The following DPY19L2 variants were observed in gnomAD, a reference collection of about 807,000 sequenced individuals.
DPY19L2 encodes dpy-19 like 2, also known as probable C-mannosyltransferase DPY19L2.
DPY19L2 carries 34 observed loss-of-function variants against 97.9 expected under a neutral mutation model. The observed-to-expected ratio is 0.35, with a 90% CI of 0.26 to 0.46. DPY19L2 has a LOEUF of 0.46. Among genes scored for constraint, DPY19L2 ranks in the 20% least tolerant of loss-of-function variants. The pLI, the probability that DPY19L2 is intolerant of heterozygous loss-of-function variation, is 1.00. For synonymous variants in DPY19L2, 230 were observed against 307.9 expected (o/e 0.75, Z 2.65); for missense variants, 623 against 911.4 (o/e 0.68, Z 4.07).
intron 8 of DPY19L2, among the ~76,000 whole-genome samples, chr12:63,622,113 A>C (rs1322680942): frequency 1.3e-5 from 2 of 152,206 alleles, no homozygotes; most frequent in African/African-American, 2.4e-5. Context: ...AATACTCATT[A>C]TGTACTTTGT....
intron 6 of DPY19L2, among the ~76,000 whole-genome samples, chr12:63,642,333 C>G (rs1892813212): frequency 6.7e-6 from 1 of 150,142 alleles, no homozygotes; most frequent in Non-Finnish European, 1.5e-5. Context: ...AACTGAAGTT[C>G]TTTTCATCAA....
At chr12:63,657,958 C>G (rs1428468582) in intron 4 of DPY19L2, among the ~76,000 whole-genome samples, 1 of 152,184 alleles carries the variant, frequency 6.6e-6, no homozygotes, top group Non-Finnish European at 1.5e-5. Context: ...CTGCAGGCAC[C>G]TGTCCTTCTT....
intron 19 of DPY19L2, among the ~76,000 whole-genome samples, chr12:63,579,709 C>G (rs1451077467): frequency 2.0e-5 from 3 of 152,020 alleles, no homozygotes; most frequent in Admixed American, 6.6e-5. Context: ...TGGAAAAAGT[C>G]AGTTGGGGAT....
At chr12:63,667,308 G>A (rs1896446240) in intron 1 of DPY19L2, among the ~76,000 whole-genome samples, 1 of 152,022 alleles carries the variant, frequency 6.6e-6, no homozygotes, top group Non-Finnish European at 1.5e-5. Context: ...GATATATAAG[G>A]AAAAGGTCAA....
At chr12:63,628,326 G>A (rs920789955) in intron 6 of DPY19L2, among the ~76,000 whole-genome samples, 7 of 152,158 alleles carry the variant, frequency 4.6e-5, no homozygotes, top group Non-Finnish European at 7.4e-5. Flanking sequence ...ATCAAAGAAA[G>A]GGGTGAAAGA....
chr12:63,595,898 T>G (rs1884146413), intron 15 of DPY19L2, 68 bp downstream of exon 15: 2 of 1,406,922 alleles, frequency 1.4e-6, no homozygotes, highest in Non-Finnish European at 1.9e-6. Flanking sequence ...CATGGAATTC[T>G]GAGCAATTTG....
chr12:63,569,487 T>C (rs1878397793), intron 20 of DPY19L2, 138 bp from the exon 21 acceptor site: 1 of 633,086 alleles, frequency 1.6e-6, no homozygotes, highest in Admixed American at 3.6e-5. Context: ...CAGCATCAAT[T>C]ATTTTGGGGA....
At chr12:63,567,049 T>A (rs536725305) in intron 21 of DPY19L2, among the ~76,000 whole-genome samples, 2 of 152,176 alleles carry the variant, frequency 1.3e-5, no homozygotes, top group East Asian at 3.9e-4. Flanking sequence ...TAACGATAAA[T>A]TACTGTTAAC....
At chr12:63,604,086 G>A (rs1042185565) in intron 12 of DPY19L2, among the ~76,000 whole-genome samples, 2 of 152,162 alleles carry the variant, frequency 1.3e-5, no homozygotes, top group Non-Finnish European at 2.9e-5. Flanking sequence ...TCATTGATTA[G>A]AGAATGTCTA....
At chr12:63,630,492 G>C (rs1004446970) in intron 6 of DPY19L2, among the ~76,000 whole-genome samples, 1 of 151,852 alleles carries the variant, frequency 6.6e-6, no homozygotes, top group African/African-American at 2.4e-5. Context: ...AATGGTAAAG[G>C]GATCAATTCA....
chr12:63,638,704 G>C (rs1322828464), intron 6 of DPY19L2, among the ~76,000 whole-genome samples: 5 of 152,034 alleles, frequency 3.3e-5, no homozygotes, highest in Non-Finnish European at 5.9e-5. Context: ...AAATCAAAGA[G>C]GACACAAACA....
intron 7 of DPY19L2, among the ~76,000 whole-genome samples, chr12:63,625,413 T>G (rs1592617900): frequency 6.6e-6 from 1 of 151,226 alleles, no homozygotes; most frequent in African/African-American, 2.4e-5. Context: ...AAAAAAAAAG[T>G]ACTTCTACCC....
chr12:63,623,943 A>T, intron 8 of DPY19L2, 97 bp downstream of exon 8: 5 of 888,274 alleles, frequency 5.6e-6, no homozygotes, highest in Non-Finnish European at 8.9e-6. Flanking sequence ...ACCTCAAGTG[A>T]TCCACCCACC....
chr12:63,646,564 A>G (rs1369046201), intron 5 of DPY19L2, among the ~76,000 whole-genome samples: 1 of 152,208 alleles, frequency 6.6e-6, no homozygotes, highest in Admixed American at 6.5e-5. Context: ...GAAGAAATAA[A>G]GAAAAAACTA....
intron 20 of DPY19L2, among the ~76,000 whole-genome samples, chr12:63,570,480 C>T (rs924782250): frequency 1.3e-5 from 2 of 152,216 alleles, no homozygotes; most frequent in South Asian, 2.1e-4. Context: ...GGAATACATA[C>T]ACACATCATA....
intron 11 of DPY19L2, among the ~76,000 whole-genome samples, chr12:63,616,520 AT>A (rs1373714871): frequency 6.6e-6 from 1 of 152,092 alleles, no homozygotes; most frequent in Non-Finnish European, 1.5e-5. Context: ...AGTTGGTATC[AT>A]TTCTGATCAG....
intron 14 of DPY19L2, among the ~76,000 whole-genome samples, chr12:63,597,090 AGCCTCCTACTCAGGCTGGGAC>A (rs1373839877): frequency 5.3e-5 from 8 of 151,758 alleles, no homozygotes; most frequent in Non-Finnish European, 8.8e-5. Flanking sequence ...CTCCTGTCTC[AGCCTCCTACTCAGGCTGGGAC>A]TACAGGCATG....
intron 16 of DPY19L2, among the ~76,000 whole-genome samples, chr12:63,589,836 A>G (rs1201927272): frequency 6.6e-6 from 1 of 152,090 alleles, no homozygotes; most frequent in African/African-American, 2.4e-5. Flanking sequence ...AAAAGCAAAA[A>G]CATAACACAT....
intron 15 of DPY19L2, among the ~76,000 whole-genome samples, chr12:63,595,042 C>T (rs1170661347): frequency 1.3e-5 from 2 of 152,146 alleles, no homozygotes; most frequent in African/African-American, 2.4e-5. Context: ...GGAACTGGAT[C>T]AAGGGTGAAA....
Sources: allele counts gnomAD v4.1 joint callset (sites outside exome capture counted in the v4.1 genomes callset), GRCh38; gene constraint gnomAD v4.1.1; transcripts MANE v1.5; gene names NCBI Gene and HGNC (gene_info 2026-07-23, HGNC 2026-07-21).